NELL1: variants seen among roughly 807,000 people sequenced by gnomAD.
NELL1 encodes neural EGFL like 1, also known as protein kinase C-binding protein NELL1.
Under a neutral mutation model 107.4 loss-of-function variants are expected in NELL1, and 76 were observed. The ratio of observed to expected loss-of-function variants is 0.71; its 90% CI spans 0.59 to 0.86. The LOEUF (loss-of-function observed/expected upper bound fraction) is 0.86. Ranked by LOEUF, NELL1 falls within the 40% of genes least tolerant of loss-of-function variation. The pLI, the probability that NELL1 is intolerant of heterozygous loss-of-function variation, is 0.00. For missense variants in NELL1, 1,024 were observed against 1,005.5 expected (o/e 1.02, Z -0.25); for synonymous variants, 353 against 341.2 (o/e 1.03, Z -0.38).
At chr11:21,000,255 TAAAGTA>T (rs1450899449) in intron 12 of NELL1, among the ~76,000 whole-genome samples, 8 of 136,782 alleles carry the variant, frequency 5.8e-5, no homozygotes, top group Non-Finnish European at 7.5e-5. Flanking sequence ...CCCTAAAACT[TAAAGTA>T]TAATAAAAAA....
chr11:20,891,956 C>T (rs1044501719), intron 5 of NELL1, among the ~76,000 whole-genome samples: 7 of 152,114 alleles, frequency 4.6e-5, no homozygotes, highest in South Asian at 2.1e-4. Flanking sequence ...GACAGATCAA[C>T]GAGACAGAAA....
At chr11:20,726,803 G>A (rs1855518888) in intron 2 of NELL1, among the ~76,000 whole-genome samples, 1 of 150,640 alleles carries the variant, frequency 6.6e-6, no homozygotes, top group Non-Finnish European at 1.5e-5. Context: ...GTGTCCAAGT[G>A]TTCTCATTGT....
chr11:20,737,699 A>G (rs1214326318), intron 2 of NELL1, among the ~76,000 whole-genome samples: 1 of 152,076 alleles, frequency 6.6e-6, no homozygotes, highest in African/African-American at 2.4e-5. Context: ...TACTAGCATT[A>G]TTATTAGTTG....
chr11:20,885,359 T>A (rs1015742584), intron 4 of NELL1, 85 bp from the exon 5 acceptor site: 3 of 806,888 alleles, frequency 3.7e-6, no homozygotes, highest in Non-Finnish European at 6.6e-6. Flanking sequence ...CAGCAGCTAA[T>A]GGCATGCATA....
intron 9 of NELL1, among the ~76,000 whole-genome samples, chr11:20,933,291 A>G (rs770801960): frequency 1.7e-4 from 26 of 152,224 alleles, no homozygotes; most frequent in African/African-American, 6.3e-4. Context: ...GATACTCCAC[A>G]GGTATTGTTT....
At chr11:21,153,342 G>A (rs999512726) in intron 13 of NELL1, among the ~76,000 whole-genome samples, 1 of 152,220 alleles carries the variant, frequency 6.6e-6, no homozygotes, top group African/African-American at 2.4e-5. Context: ...GTGTATTTGT[G>A]TATGTGAGAT....
chr11:21,270,841 A>G (rs548474001), intron 14 of NELL1, among the ~76,000 whole-genome samples: 2 of 152,320 alleles, frequency 1.3e-5, no homozygotes, highest in African/African-American at 4.8e-5. Flanking sequence ...CATTCATGCC[A>G]CAATAGAATT....
chr11:21,507,102 C>T (rs959215969), intron 15 of NELL1, among the ~76,000 whole-genome samples: 2 of 152,156 alleles, frequency 1.3e-5, no homozygotes, highest in Non-Finnish European at 2.9e-5. Context: ...TGCTCAAGAT[C>T]ACACTTTGGA....
chr11:21,215,583 A>T (rs2133865558), intron 13 of NELL1, among the ~76,000 whole-genome samples: 1 of 152,314 alleles, frequency 6.6e-6, no homozygotes, highest in South Asian at 2.1e-4. Flanking sequence ...CCAAATGCTG[A>T]TAGTGATATA....
At chr11:21,462,059 TC>T (rs1853913525) in intron 15 of NELL1, among the ~76,000 whole-genome samples, 1 of 151,640 alleles carries the variant, frequency 6.6e-6, no homozygotes, top group Non-Finnish European at 1.5e-5. Context: ...CTTTTATCTC[TC>T]ATTCATGGTC....
intron 12 of NELL1, among the ~76,000 whole-genome samples, chr11:21,090,704 T>C (rs1274232721): frequency 6.6e-6 from 1 of 152,222 alleles, no homozygotes; most frequent in East Asian, 1.9e-4. Flanking sequence ...ACAAATACCT[T>C]CATGAGTAAG....
At chr11:20,725,469 G>C (rs1034577193) in intron 2 of NELL1, among the ~76,000 whole-genome samples, 1 of 152,160 alleles carries the variant, frequency 6.6e-6, no homozygotes, top group African/African-American at 2.4e-5. Context: ...GTGATGTGGC[G>C]GCAGCAATCT....
chr11:21,418,955 A>T (rs532956474), intron 15 of NELL1, among the ~76,000 whole-genome samples: 1 of 152,278 alleles, frequency 6.6e-6, no homozygotes, highest in East Asian at 1.9e-4. Context: ...GTTGTTTATT[A>T]CTACAGCATG....
chr11:21,356,357 G>A (rs1850933067), intron 14 of NELL1, among the ~76,000 whole-genome samples: 1 of 152,112 alleles, frequency 6.6e-6, no homozygotes, highest in African/African-American at 2.4e-5. Flanking sequence ...CTTTGACACT[G>A]TTGAGATAGG....
intron 2 of NELL1, among the ~76,000 whole-genome samples, chr11:20,718,793 G>T (rs7105775): frequency 0.52 from 79,160 of 152,018 alleles, 23,501 homozygotes; most frequent in Middle Eastern, 0.75. Context: ...GCCAAATGTT[G>T]ATGAGGCAGA....
rs367585114 is a variant in NELL1, at chr11:21,465,541, T to G, written c.1646-68833T>G. ...CATTTTCTTTCTGAGAAGCAACACATGGCATATCAATCGTCACCTTATAAA... is the reference window on the plus strand; with the variant it reads ...CATTTTCTTTCTGAGAAGCAACACAGGGCATATCAATCGTCACCTTATAAA... On this transcript the variant is annotated intron_variant, in intron 15 of 19. Transcript: ENST00000357134. 3.4e-4 allele frequency among the ~76,000 whole-genome samples: 51 copies of G among 152,228 alleles called. No homozygotes were observed. In the South Asian group the frequency reaches 0.01, roughly 31 times the overall value.
chr11:20,853,324 A>C (rs1230498505), intron 4 of NELL1, among the ~76,000 whole-genome samples: 2 of 152,232 alleles, frequency 1.3e-5, no homozygotes, highest in Admixed American at 6.5e-5. Context: ...GGTTTAATCT[A>C]GATGGAAACA....
intron 13 of NELL1, among the ~76,000 whole-genome samples, chr11:21,124,585 G>T (rs1036626013): frequency 4.0e-5 from 6 of 151,036 alleles, no homozygotes; most frequent in South Asian, 2.1e-4. Flanking sequence ...TCTGGTGAGG[G>T]CCTGTTCCTC....
rs148550920 is a variant in NELL1 at position 20,823,974 on chromosome 11, G to A, written c.336-23609G>A. On this transcript the variant is annotated intron_variant, in intron 3 of 19. Transcript: ENST00000357134. ...CTCTTTCATGCAGCAGTTTGAATGT[G>A]GGTAGTTAATATGGTCTGGCTGTGC... Among the ~76,000 whole-genome samples, 659 of 151,370 alleles carry A rather than the reference G, an allele frequency of 4.4e-3. 10 individuals are homozygous for A. Among genetic ancestry groups the A allele is most frequent in the African/African-American group, 0.015 (625 of 41,472 alleles).
Sources: allele counts gnomAD v4.1 joint callset (sites outside exome capture counted in the v4.1 genomes callset), GRCh38; gene constraint gnomAD v4.1.1; transcripts MANE v1.5; gene names NCBI Gene and HGNC (gene_info 2026-07-23, HGNC 2026-07-21).